Variants in CMIP observed in about 807,000 individuals in gnomAD.
CMIP encodes C-Maf-inducing protein.
Under a neutral mutation model 97.3 loss-of-function variants are expected in CMIP, and 13 were observed. That is an observed-to-expected ratio of 0.13 (90% CI 0.09 to 0.21). The LOEUF (loss-of-function observed/expected upper bound fraction) is 0.21, where lower values mean the gene tolerates loss of function less well. Among genes scored for constraint, CMIP ranks in the 10% least tolerant of loss-of-function variants. The probability of loss-of-function intolerance (pLI) is 1.00; values close to 1 mark genes in which losing one functional copy is unlikely to be tolerated. For synonymous variants in CMIP, 538 were observed against 436.3 expected (o/e 1.23, Z -2.91); for missense variants, 847 against 1,024.9 (o/e 0.83, Z 2.37).
At position 81,678,423 on chromosome 16, in the gene CMIP, G is replaced by A; in HGVS notation, c.1183G>A (p.Val395Met). ...ATLSEARLKSVVVASSEIHVE... is the reference protein window; with the variant it reads ...ATLSEARLKSMVVASSEIHVE... ...GCTGTCTGAGGCCCGGCTCAAGTCG[G>A]TGGTCGTGGCCTCCAGTGAGATCCA... The change falls in exon 10 of 21, where the codon GTG (valine) becomes ATG (methionine). Residue 395 changes from valine (V) to methionine (M), a missense_variant. This residue lies in a region of CMIP where 202 missense variants were observed against 168.7 expected (regional missense o/e 1.20). Transcript: ENST00000537098. The A allele has an allele frequency of 1.3e-6, 2 of 1,594,432 alleles. No individual in the cohort carries two copies. The highest frequency in any genetic ancestry group is 1.7e-6 in the Non-Finnish European group (2 of 1,171,380).
rs528777193 is a variant in CMIP, at chr16:81,621,528, C to T, written c.477+602C>T. The T allele has an allele frequency of 1.3e-5, 2 of 153,172 alleles. No homozygotes were observed. Among genetic ancestry groups the T allele is most frequent in the South Asian group, 2.1e-4 (1 of 4,832 alleles). 9.5% of individuals were successfully genotyped at this position (153,172 alleles called of 1,614,324 possible). A position where few individuals can be genotyped will look rare whatever the true frequency, so the allele number is the denominator to read the frequency against. ...CCTGAGTTGTGCCCCATGGCTCAGG[C>T]GATGGAAACCTTGACGTCAGGACCA... On this transcript the variant is annotated intron_variant, in intron 3 of 20. Transcript: ENST00000537098. The surrounding 1 kb of genome is among the most constrained non-coding windows in gnomAD (Gnocchi z 4.1).
chr16:81,479,623 A>T (rs753430235), intron 1 of CMIP, among the ~76,000 whole-genome samples: 1 of 152,010 alleles, frequency 6.6e-6, no homozygotes, highest in Non-Finnish European at 1.5e-5. Context: ...TGTCTGGGTT[A>T]TGATTATTAT....
chr16:81,530,129 G>A (rs752528040), intron 1 of CMIP, among the ~76,000 whole-genome samples: 1 of 152,160 alleles, frequency 6.6e-6, no homozygotes, highest in African/African-American at 2.4e-5. Context: ...TAGATCATTC[G>A]TTGTTAAAAT....
rs202177320 is a variant in CMIP, at chr16:81,495,923, TCCCCAGCTC to T, written c.300+50402_300+50410del. Among the ~76,000 whole-genome samples the T allele has an allele frequency of 3.1e-4, 47 of 152,124 alleles. 1 individual carries two copies. In the East Asian group the frequency reaches 7.7e-3, roughly 25 times the overall value. ...CTGTAAAATGCAGTTTGCGAGATAA[TCCCCAGCTC>T]CCCCAGCTCCCCCAGCTCCGAGACT... On this transcript the variant is annotated intron_variant, in intron 1 of 20. Coordinates refer to ENST00000537098, the MANE Select transcript of CMIP (RefSeq NM_198390.3).
chr16:81,692,948 G>C (rs1906267522), intron 11 of CMIP, among the ~76,000 whole-genome samples: 1 of 152,188 alleles, frequency 6.6e-6, no homozygotes, highest in Non-Finnish European at 1.5e-5. Context: ...GGCCCAGTGT[G>C]TTCATGTTGC....
intron 1 of CMIP, chr16:81,517,768 G>A (rs1236704099): frequency 1.2e-5 from 2 of 160,742 alleles, no homozygotes; most frequent in Admixed American, 6.5e-5. Flanking sequence ...TGGAGCAGAG[G>A]CGATTCTCTG....
At chr16:81,638,810 A>G (rs1172501835) in intron 3 of CMIP, among the ~76,000 whole-genome samples, 2 of 152,020 alleles carry the variant, frequency 1.3e-5, no homozygotes, top group Admixed American at 6.5e-5. Context: ...AGAGCAGGGA[A>G]TCCAGGAGGA....
chr16:81,706,950 C>T, intron 19 of CMIP, 64 bp from the exon 20 acceptor site: 1 of 1,440,726 alleles, frequency 6.9e-7, no homozygotes, highest in Non-Finnish European at 9.7e-7. Context: ...CCAGCTTGGC[C>T]ATCCCATACC....
chr16:81,676,667 A>T (rs914666143), intron 9 of CMIP, among the ~76,000 whole-genome samples: 2 of 152,230 alleles, frequency 1.3e-5, no homozygotes, highest in African/African-American at 2.4e-5. Context: ...AGCAAAGCTG[A>T]AAGTGTATTT....
At chr16:81,646,809 A>T (rs565813433) in intron 3 of CMIP, among the ~76,000 whole-genome samples, 10 of 152,160 alleles carry the variant, frequency 6.6e-5, no homozygotes, top group Admixed American at 4.6e-4. Flanking sequence ...GGGTAATTCA[A>T]TCCTTTTTAT....
At chr16:81,481,891 T>C (rs1468291737) in intron 1 of CMIP, among the ~76,000 whole-genome samples, 1 of 151,186 alleles carries the variant, frequency 6.6e-6, no homozygotes, top group Non-Finnish European at 1.5e-5. Context: ...TTTTTTTTTT[T>C]TTTTTGAGAG....
intron 1 of CMIP, among the ~76,000 whole-genome samples, chr16:81,544,595 A>G (rs1035346007): frequency 6.6e-6 from 1 of 151,760 alleles, no homozygotes; most frequent in African/African-American, 2.4e-5. Flanking sequence ...GGTCCAGTGC[A>G]GGGTGCCAGG....
chr16:81,526,158 G>A (rs974319574), intron 1 of CMIP, among the ~76,000 whole-genome samples: 7 of 152,120 alleles, frequency 4.6e-5, no homozygotes, highest in Non-Finnish European at 1.0e-4. Context: ...TCTATACCTA[G>A]GTGCAGAGAG....
intron 1 of CMIP, among the ~76,000 whole-genome samples, chr16:81,524,466 A>C (rs2090089246): frequency 6.6e-6 from 1 of 152,260 alleles, no homozygotes; most frequent in Non-Finnish European, 1.5e-5. Flanking sequence ...GTAACGTGTT[A>C]GCCACAACCT....
intron 1 of CMIP, among the ~76,000 whole-genome samples, chr16:81,513,631 C>T (rs925789522): frequency 1.3e-5 from 2 of 152,226 alleles, no homozygotes; most frequent in African/African-American, 4.8e-5. Flanking sequence ...TCCGTTCTGG[C>T]CTGGCTGCTG....
intron 10 of CMIP, among the ~76,000 whole-genome samples, chr16:81,682,803 T>C (rs1905005952): frequency 6.6e-6 from 1 of 152,168 alleles, no homozygotes; most frequent in African/African-American, 2.4e-5. Flanking sequence ...ATCATTAGAA[T>C]TTGACACTTT....
rs569077090 is a variant in CMIP at position 81,614,866 on chromosome 16, ATGTG to A, written c.427-6003_427-6000del. 1.3e-5 allele frequency among the ~76,000 whole-genome samples: 2 copies of A among 148,212 alleles called. No individual in the cohort carries two copies. The highest frequency in any genetic ancestry group is 3.0e-5 in the Non-Finnish European group (2 of 67,004). ...TATGCACATGTATCTCTGTGTGTGCATGTGTGTGTGGTATGTGCATGTGTGTGTG... is the reference window on the plus strand; with the variant it reads ...TATGCACATGTATCTCTGTGTGTGCATGTGTGGTATGTGCATGTGTGTGTG... On this transcript the variant is annotated intron_variant, in intron 2 of 20. Transcript: ENST00000537098. This position sits in a 1 kb window ranked among gnomAD's most constrained non-coding sequence, Gnocchi z 5.3.
intron 10 of CMIP, among the ~76,000 whole-genome samples, chr16:81,684,418 G>T (rs1437428934): frequency 1.3e-5 from 2 of 152,240 alleles, no homozygotes; most frequent in Admixed American, 6.5e-5. Context: ...GCCACGTTCT[G>T]CCCGTGACTT....
intron 1 of CMIP, among the ~76,000 whole-genome samples, chr16:81,482,248 C>G (rs2089237693): frequency 6.6e-6 from 1 of 152,196 alleles, no homozygotes. Flanking sequence ...CCTTCCGTCT[C>G]AAGATCCTCA....
Sources: allele counts gnomAD v4.1 joint callset (sites outside exome capture counted in the v4.1 genomes callset), GRCh38; gene constraint gnomAD v4.1.1; regional missense constraint gnomAD v4.1.1; non-coding constraint Gnocchi (gnomAD v3.1); transcripts MANE v1.5; gene names NCBI Gene and HGNC (gene_info 2026-07-23, HGNC 2026-07-21).